LRBA: variants seen among roughly 807,000 people sequenced by gnomAD.
LRBA encodes lipopolysaccharide-responsive and beige-like anchor protein.
LRBA carries 176 observed loss-of-function variants against 330.0 expected under a neutral mutation model. The observed-to-expected ratio is 0.53, with a 90% CI of 0.47 to 0.60. The LOEUF (loss-of-function observed/expected upper bound fraction) is 0.60. LRBA is among the 20% of genes least tolerant of loss of function. The pLI, the probability that LRBA is intolerant of heterozygous loss-of-function variation, is 0.00. For synonymous variants in LRBA, 1,230 were observed against 1,193.0 expected, an observed-to-expected ratio of 1.03 and a Z score of -0.64; for missense variants, 3,259 against 3,444.8, an observed-to-expected ratio of 0.95 and a Z score of 1.35.
intron 47 of LRBA, among the ~76,000 whole-genome samples, chr4:150,361,512 G>T (rs1300608107): frequency 1.3e-5 from 2 of 152,028 alleles, no homozygotes; most frequent in Non-Finnish European, 2.9e-5. Flanking sequence ...TCTGCATTAT[G>T]GTGTTTGTTT....
At chr4:150,921,335 A>G (rs767177107) in intron 4 of LRBA, 42 bp from the exon 5 acceptor site, 5 of 1,198,050 alleles carry the variant, frequency 4.2e-6, no homozygotes, top group Non-Finnish European at 6.2e-6. Flanking sequence ...ATTATTTACC[A>G]TAAGATAAAA....
intron 35 of LRBA, among the ~76,000 whole-genome samples, chr4:150,751,859 T>C (rs1211402826): frequency 6.6e-6 from 1 of 152,124 alleles, no homozygotes; most frequent in Non-Finnish European, 1.5e-5. Context: ...CAGCCCATTG[T>C]CCACATCTGA....
At chr4:150,514,495 A>G (rs1431316445) in intron 40 of LRBA, among the ~76,000 whole-genome samples, 1 of 152,192 alleles carries the variant, frequency 6.6e-6, no homozygotes, top group East Asian at 1.9e-4. Flanking sequence ...AGAAATGCAG[A>G]AAAAAACTTG....
chr4:150,736,615 G>T (rs1395490635), intron 35 of LRBA, among the ~76,000 whole-genome samples: 1 of 152,020 alleles, frequency 6.6e-6, no homozygotes, highest in African/African-American at 2.4e-5. Flanking sequence ...CATGGTAAAA[G>T]AATCTAATGT....
intron 40 of LRBA, among the ~76,000 whole-genome samples, chr4:150,520,546 T>A (rs1359513559): frequency 6.6e-6 from 1 of 152,168 alleles, no homozygotes; most frequent in Non-Finnish European, 1.5e-5. Flanking sequence ...TTTATGCCCA[T>A]CAATGGTAGA....
At chr4:150,486,648 C>T (rs1466466733) in intron 42 of LRBA, among the ~76,000 whole-genome samples, 1 of 151,682 alleles carries the variant, frequency 6.6e-6, no homozygotes, top group Non-Finnish European at 1.5e-5. Context: ...CTCATATATT[C>T]ATCATTTTTT....
At chr4:150,285,812 G>T in intron 54 of LRBA, 121 bp downstream of exon 54, 1 of 527,622 alleles carries the variant, frequency 1.9e-6, no homozygotes, top group South Asian at 4.1e-5. Context: ...AGTTCCATAT[G>T]ACTAATGGCT....
At chr4:150,373,124 C>CGTGTGTGTGT (rs70937397) in intron 47 of LRBA, among the ~76,000 whole-genome samples, 49 of 96,366 alleles carry the variant, frequency 5.1e-4, no homozygotes, top group East Asian at 1.6e-3. Flanking sequence ...ACTACAATCT[C>CGTGTGTGTGT]GTGTGTGTGT....
At chr4:150,421,268 AT>A in intron 46 of LRBA, among the ~76,000 whole-genome samples, 2 of 139,698 alleles carry the variant, frequency 1.4e-5, no homozygotes, top group African/African-American at 2.6e-5. Flanking sequence ...TATTTTATAT[AT>A]ATAATATAAA....
chr4:150,871,595 T>C (rs183711374), intron 18 of LRBA, 142 bp from the exon 19 acceptor site: 152 of 543,678 alleles, frequency 2.8e-4, no homozygotes, highest in Middle Eastern at 1.1e-3. Flanking sequence ...CTATCTTCAA[T>C]CTAGAACTTT....
chr4:150,809,619 C>T (rs1022490300), intron 31 of LRBA, among the ~76,000 whole-genome samples: 1 of 152,114 alleles, frequency 6.6e-6, no homozygotes, highest in Non-Finnish European at 1.5e-5. Flanking sequence ...CTTTGGGAGG[C>T]CAAGACAGGA....
At chr4:150,962,534 C>T (rs1355652509) in intron 2 of LRBA, among the ~76,000 whole-genome samples, 1 of 146,842 alleles carries the variant, frequency 6.8e-6, no homozygotes, top group Non-Finnish European at 1.5e-5. Flanking sequence ...GTGATAAATA[C>T]CATCAAAATA....
intron 38 of LRBA, 92 bp downstream of exon 38, chr4:150,598,915 C>A: frequency 6.8e-7 from 1 of 1,463,788 alleles, no homozygotes; most frequent in South Asian, 1.3e-5. Flanking sequence ...GGTGTTGGAC[C>A]ATTTTACAGT....
chr4:150,559,825 A>T lies in LRBA; in HGVS notation c.6330+28223T>A, dbSNP rs866695684. On this transcript the variant is annotated intron_variant, in intron 40 of 56. Transcript: ENST00000651943. ...TATGTTATATATAATAATATATAAT[A>T]ATATAAAATATAATATATATAATAA... 2.5e-3 allele frequency among the ~76,000 whole-genome samples: 150 copies of T among 60,860 alleles called. 1 individual carries two copies. In the Middle Eastern group the frequency reaches 0.04, roughly 16 times the overall value. 39.9% of individuals were successfully genotyped at this position (60,860 alleles called of 152,430 possible).
chr4:150,916,252 CAATT>C, intron 7 of LRBA, 145 bp downstream of exon 7: 1 of 710,274 alleles, frequency 1.4e-6, no homozygotes, highest in Non-Finnish European at 2.2e-6. Flanking sequence ...TCAGAGAGGT[CAATT>C]ATTCAGTGAT....
chr4:150,654,666 T>C (rs1780009400), intron 37 of LRBA, among the ~76,000 whole-genome samples: 1 of 152,164 alleles, frequency 6.6e-6, no homozygotes, highest in Non-Finnish European at 1.5e-5. Context: ...TAACATTAGG[T>C]ATATCTCCTA....
At chr4:150,649,669 T>C (rs923545021) in intron 37 of LRBA, among the ~76,000 whole-genome samples, 1 of 152,130 alleles carries the variant, frequency 6.6e-6, no homozygotes, top group African/African-American at 2.4e-5. Flanking sequence ...TCCAATAAAG[T>C]TCACTAGGAA....
At chr4:150,322,997 G>C (rs964766649) in intron 49 of LRBA, among the ~76,000 whole-genome samples, 1 of 111,094 alleles carries the variant, frequency 9.0e-6, no homozygotes, top group Non-Finnish European at 1.8e-5. Context: ...GTGTGTCTCT[G>C]TGTGTGTGTG....
rs907605347 is a variant in LRBA at position 150,714,909 on chromosome 4, C to T, written c.5754+20349G>A. ...TGAGACACCAGAGTCAATATTATTT[C>T]ACCATTTGTTTCAGGAAATCCTACC... is the stretch of plus-strand genomic sequence containing the variant. On this transcript the variant is annotated intron_variant, in intron 36 of 56. Coordinates refer to ENST00000651943, the MANE Select transcript of LRBA (RefSeq NM_001364905.1). Among the ~76,000 whole-genome samples the T allele has an allele frequency of 2.0e-5, 3 of 152,102 alleles. No homozygotes were observed. The East Asian group carries it at 5.8e-4, about 29-fold the overall frequency.
Sources: allele counts gnomAD v4.1 joint callset (sites outside exome capture counted in the v4.1 genomes callset), GRCh38; gene constraint gnomAD v4.1.1; transcripts MANE v1.5; gene names NCBI Gene and HGNC (gene_info 2026-07-23, HGNC 2026-07-21).